Variants in PPM1H observed in about 807,000 individuals in gnomAD.
PPM1H encodes the protein protein phosphatase, Mg2+/Mn2+ dependent 1H, also known as protein phosphatase 1H.
Under a neutral mutation model 54.9 loss-of-function variants are expected in PPM1H, and 27 were observed. That is an observed-to-expected ratio of 0.49 (90% CI 0.36 to 0.68). PPM1H has a LOEUF of 0.68. Ranked by LOEUF, PPM1H falls within the 30% of genes least tolerant of loss-of-function variation. PPM1H has a pLI of 0.00. For missense variants in PPM1H, 596 were observed against 667.8 expected (o/e 0.89, Z 1.19); for synonymous variants, 305 against 270.8 (o/e 1.13, Z -1.24).
Position 62,928,806 on chromosome 12 carries a change from C to T in PPM1H, c.245+5686G>A, listed in dbSNP as rs533333963. 4.6e-5 allele frequency among the ~76,000 whole-genome samples: 7 copies of T among 152,342 alleles called. No individual in the cohort carries two copies. In the South Asian group the frequency reaches 1.4e-3, roughly 32 times the overall value. Reference sequence around the variant, plus strand: ...TTGGTTTAATGTCCCCGCTGAGTAACTTTCCATTCCACTGACCCCTCACAC... The same window carrying T: ...TTGGTTTAATGTCCCCGCTGAGTAATTTTCCATTCCACTGACCCCTCACAC... On this transcript the variant is annotated intron_variant, in intron 1 of 9. Coordinates refer to ENST00000228705, the MANE Select transcript of PPM1H (RefSeq NM_020700.2).
Position 62,718,023 on chromosome 12 carries a change from C to T in PPM1H, c.1073+2148G>A, listed in dbSNP as rs567880451. 5.8e-4 allele frequency among the ~76,000 whole-genome samples: 89 copies of T among 152,328 alleles called. No individual in the cohort carries two copies. In the South Asian group the frequency reaches 0.017, roughly 29 times the overall value. ...TAGAAAGAACATAGGTACAGCCTTGCCTCAAGCTCAATCTGCTTTAAATGT... is the reference window on the plus strand; with the variant it reads ...TAGAAAGAACATAGGTACAGCCTTGTCTCAAGCTCAATCTGCTTTAAATGT... On this transcript the variant is annotated intron_variant, in intron 6 of 9. Coordinates refer to ENST00000228705, the MANE Select transcript of PPM1H (RefSeq NM_020700.2).
chr12:62,893,800 A>C (rs1870885400), intron 1 of PPM1H, among the ~76,000 whole-genome samples: 1 of 152,060 alleles, frequency 6.6e-6, no homozygotes, highest in South Asian at 2.1e-4. Context: ...ATTTAATCTG[A>C]ATTACCTCTT....
At chr12:62,716,436 C>T (rs1432717556) in intron 6 of PPM1H, among the ~76,000 whole-genome samples, 1 of 152,140 alleles carries the variant, frequency 6.6e-6, no homozygotes, top group Non-Finnish European at 1.5e-5. Context: ...TAATTGTCAG[C>T]CCCATTACCA....
chr12:62,781,724 C>T (rs573072206), intron 4 of PPM1H, among the ~76,000 whole-genome samples: 2 of 152,314 alleles, frequency 1.3e-5, no homozygotes, highest in South Asian at 4.1e-4. Context: ...GCAAGAAGTA[C>T]CTGAGAGAGG....
rs566425357 is a variant in PPM1H at position 62,841,498 on chromosome 12, C to CT, written c.246-9220dup. Among the ~76,000 whole-genome samples, 319 of 152,318 alleles carry CT rather than the reference C, an allele frequency of 2.1e-3. 1 individual carries two copies. Among genetic ancestry groups the CT allele is most frequent in the African/African-American group, 7.0e-3 (293 of 41,564 alleles). ...TATTAGTAGTTGCAACAGGGACTATCTGGCTCACAAAGCCAAAATTACTTA... is the reference window on the plus strand; with the variant it reads ...TATTAGTAGTTGCAACAGGGACTATCTTGGCTCACAAAGCCAAAATTACTTA... On this transcript the variant is annotated intron_variant, in intron 1 of 9. Transcript: ENST00000228705.
At chr12:62,857,809 C>T (rs192002270) in intron 1 of PPM1H, among the ~76,000 whole-genome samples, 1 of 152,186 alleles carries the variant, frequency 6.6e-6, no homozygotes, top group Admixed American at 6.5e-5. Context: ...TTATATTAAA[C>T]ATTTATTATA....
intron 2 of PPM1H, among the ~76,000 whole-genome samples, chr12:62,822,075 T>C (rs920953339): frequency 2.7e-5 from 4 of 149,072 alleles, no homozygotes; most frequent in Non-Finnish European, 5.9e-5. Flanking sequence ...ACCAAGCAAA[T>C]GGAAAGCAAA....
chr12:62,705,538 CAT>C (rs974662802), intron 6 of PPM1H, among the ~76,000 whole-genome samples: 10 of 152,156 alleles, frequency 6.6e-5, no homozygotes, highest in African/African-American at 9.7e-5. Flanking sequence ...AAAAAGTAAT[CAT>C]GTGTATGTAT....
chr12:62,899,043 G>A (rs754458226), intron 1 of PPM1H, among the ~76,000 whole-genome samples: 6 of 152,086 alleles, frequency 3.9e-5, no homozygotes, highest in Admixed American at 1.3e-4. Flanking sequence ...ATGTGAAGCC[G>A]GGAACAATAG....
At chr12:62,817,931 A>G (rs961149629) in intron 2 of PPM1H, among the ~76,000 whole-genome samples, 21 of 152,074 alleles carry the variant, frequency 1.4e-4, no homozygotes, top group Non-Finnish European at 2.2e-4. Context: ...ATCTCCTGTT[A>G]TTGTAATTAG....
intron 4 of PPM1H, among the ~76,000 whole-genome samples, chr12:62,766,395 A>G (rs12311698): frequency 0.018 from 2,757 of 152,004 alleles, 79 homozygotes; most frequent in African/African-American, 0.063. Context: ...AAATAAAACT[A>G]GAAAGATCAC....
At chr12:62,916,884 C>T (rs1347881859) in intron 1 of PPM1H, among the ~76,000 whole-genome samples, 4 of 148,968 alleles carry the variant, frequency 2.7e-5, no homozygotes, top group East Asian at 2.0e-4. Context: ...AGCTGTCGGT[C>T]GCTTAACATC....
rs2076772432 is a variant in PPM1H at position 62,801,910 on chromosome 12, G to A, written c.662C>T (p.Ser221Phe). The change falls in exon 3 of 10, where the codon TCC becomes TTC. Residue 221 changes from serine (S) to phenylalanine (F), a missense_variant. Physicochemically the swap from Ser to Phe is radical, Grantham distance 155. Coordinates refer to ENST00000228705, the MANE Select transcript of PPM1H (RefSeq NM_020700.2). ...GAAGCGTGTGGGGGGCGTGCTGGGGGAGCCCGGGGCCCCCACCCCTCCGCG... is the reference window on the plus strand; with the variant it reads ...GAAGCGTGTGGGGGGCGTGCTGGGGAAGCCCGGGGCCCCCACCCCTCCGCG... ...SLRGGVGAPGSPSTPPTRFFT... is the reference protein window; with the variant it reads ...SLRGGVGAPGFPSTPPTRFFT... The A allele has an allele frequency of 6.2e-7, 1 of 1,613,556 alleles. No individual in the cohort carries two copies. Among genetic ancestry groups the A allele is most frequent in the Non-Finnish European group, 8.5e-7 (1 of 1,179,684 alleles).
intron 2 of PPM1H, among the ~76,000 whole-genome samples, chr12:62,813,093 G>A (rs559447511): frequency 6.6e-6 from 1 of 152,018 alleles, no homozygotes; most frequent in South Asian, 2.1e-4. Flanking sequence ...CCTCTTTATG[G>A]AGTGCCAACT....
intron 1 of PPM1H, among the ~76,000 whole-genome samples, chr12:62,892,278 T>C (rs768527105): frequency 9.9e-5 from 15 of 152,208 alleles, no homozygotes; most frequent in Non-Finnish European, 1.8e-4. Context: ...AACAGTCCTG[T>C]GTAACCTATG....
intron 1 of PPM1H, among the ~76,000 whole-genome samples, chr12:62,880,230 T>A (rs1040897950): frequency 3.9e-5 from 6 of 152,204 alleles, no homozygotes; most frequent in Non-Finnish European, 8.8e-5. Context: ...ATCTTCCCAA[T>A]TGAGAGCAGC....
chr12:62,803,320 C>T (rs1391021253), intron 2 of PPM1H, among the ~76,000 whole-genome samples: 7 of 152,048 alleles, frequency 4.6e-5, no homozygotes, highest in African/African-American at 1.2e-4. Flanking sequence ...GAATTACACA[C>T]GTGTTAGATC....
intron 9 of PPM1H, among the ~76,000 whole-genome samples, chr12:62,660,879 G>T (rs1015055179): frequency 1.3e-5 from 2 of 152,158 alleles, no homozygotes; most frequent in Non-Finnish European, 2.9e-5. Flanking sequence ...GGAACACACA[G>T]GGGTAGGAAA....
intron 1 of PPM1H, among the ~76,000 whole-genome samples, chr12:62,907,272 G>A (rs539114872): frequency 2.7e-4 from 41 of 152,366 alleles, no homozygotes; most frequent in African/African-American, 8.9e-4. Context: ...AGGCACTGCA[G>A]AGGGAGATTC....
Sources: allele counts gnomAD v4.1 joint callset (sites outside exome capture counted in the v4.1 genomes callset), GRCh38; gene constraint gnomAD v4.1.1; transcripts MANE v1.5; gene names NCBI Gene and HGNC (gene_info 2026-07-23, HGNC 2026-07-21).